The following DSCAM variants were observed in gnomAD, a reference collection of about 807,000 sequenced individuals.
The protein encoded by DSCAM is cell adhesion molecule DSCAM.
Under a neutral mutation model 217.7 loss-of-function variants are expected in DSCAM, and 47 were observed. The ratio of observed to expected loss-of-function variants is 0.22; its 90% CI spans 0.17 to 0.28. The LOEUF (loss-of-function observed/expected upper bound fraction) is 0.28, where lower values mean the gene tolerates loss of function less well. Among genes scored for constraint, DSCAM ranks in the 10% least tolerant of loss-of-function variants. DSCAM has a pLI of 1.00. For synonymous variants in DSCAM, 1,056 were observed against 1,015.3 expected, an observed-to-expected ratio of 1.04 and a Z score of -0.76; for missense variants, 2,080 against 2,618.3, an observed-to-expected ratio of 0.79 and a Z score of 4.49.
intron 3 of DSCAM, among the ~76,000 whole-genome samples, chr21:40,671,509 G>GAC (rs1568975466): frequency 3.3e-5 from 5 of 149,996 alleles, no homozygotes; most frequent in Admixed American, 2.0e-4. Flanking sequence ...CTCCCCCCCC[G>GAC]CACCGTCTCT....
intron 1 of DSCAM, among the ~76,000 whole-genome samples, chr21:40,774,883 C>T (rs1346095621): frequency 6.6e-6 from 1 of 151,836 alleles, no homozygotes; most frequent in Admixed American, 6.6e-5. Context: ...AGGTCCTTTA[C>T]TGCTATTATT....
intron 1 of DSCAM, among the ~76,000 whole-genome samples, chr21:40,791,773 T>A (rs955855699): frequency 1.3e-5 from 2 of 152,186 alleles, no homozygotes; most frequent in African/African-American, 4.8e-5. Context: ...GAGCTATAAA[T>A]CAAAGTGACT....
intron 3 of DSCAM, among the ~76,000 whole-genome samples, chr21:40,534,780 C>A (rs1490583105): frequency 2.0e-5 from 3 of 152,138 alleles, no homozygotes; most frequent in African/African-American, 7.2e-5. Flanking sequence ...CCAAAATAAT[C>A]TTCTATATTA....
At chr21:40,755,197 C>A (rs2091263548) in intron 1 of DSCAM, among the ~76,000 whole-genome samples, 1 of 152,104 alleles carries the variant, frequency 6.6e-6, no homozygotes, top group Non-Finnish European at 1.5e-5. Flanking sequence ...CCTGTAATCC[C>A]AGCACTTTGG....
chr21:40,173,246 C>T lies in DSCAM; in HGVS notation c.2947+5681G>A, dbSNP rs187394005. ...GGAGAGTGGTAAGGGAGGCAGGGGA[C>T]CCAGTGGAGTGGGCAGTGGGTTGAA... On this transcript the variant is annotated intron_variant, in intron 15 of 32. Coordinates refer to ENST00000400454, the MANE Select transcript of DSCAM (RefSeq NM_001389.5). Among the ~76,000 whole-genome samples, 211 of 152,184 alleles carry T rather than the reference C, an allele frequency of 1.4e-3. 1 individual carries two copies. The highest frequency in any genetic ancestry group is 2.0e-3 in the Non-Finnish European group (135 of 68,016).
At chr21:40,570,091 T>G (rs928474900) in intron 3 of DSCAM, among the ~76,000 whole-genome samples, 1 of 152,040 alleles carries the variant, frequency 6.6e-6, no homozygotes, top group African/African-American at 2.4e-5. Context: ...TCTCCCCAGG[T>G]ACAGAAAGTC....
At chr21:40,623,928 A>T (rs1285900384) in intron 3 of DSCAM, among the ~76,000 whole-genome samples, 1 of 152,128 alleles carries the variant, frequency 6.6e-6, no homozygotes, top group Non-Finnish European at 1.5e-5. Context: ...AGCCCAAGGG[A>T]GGGGCCCCTT....
At chr21:40,782,547 G>A (rs1368519526) in intron 1 of DSCAM, among the ~76,000 whole-genome samples, 1 of 152,088 alleles carries the variant, frequency 6.6e-6, no homozygotes, top group Non-Finnish European at 1.5e-5. Flanking sequence ...GGGCAATGCG[G>A]TGAAGTCCCA....
chr21:40,122,667 T>C (rs1348330578), intron 20 of DSCAM, among the ~76,000 whole-genome samples: 3 of 152,180 alleles, frequency 2.0e-5, no homozygotes, highest in African/African-American at 4.8e-5. Flanking sequence ...TAACAGCATA[T>C]TGAAAACCAC....
chr21:40,325,893 C>T (rs1228363685), intron 8 of DSCAM, among the ~76,000 whole-genome samples: 13 of 152,116 alleles, frequency 8.5e-5, no homozygotes, highest in African/African-American at 3.1e-4. Context: ...AACAATTCTA[C>T]TACTGGCCCT....
chr21:40,265,214 A>G (rs1350297628), intron 11 of DSCAM, among the ~76,000 whole-genome samples: 1 of 150,790 alleles, frequency 6.6e-6, no homozygotes, highest in Non-Finnish European at 1.5e-5. Context: ...AAGAAAAAAA[A>G]AAGAACTCAA....
chr21:40,142,708 A>G lies in DSCAM; in HGVS notation c.3260-4T>C, dbSNP rs756232618. The G allele has an allele frequency of 1.2e-6, 2 of 1,613,362 alleles. No homozygotes were observed. Among genetic ancestry groups the G allele is most frequent in the African/African-American group, 2.7e-5 (2 of 74,904 alleles). On this transcript the variant is annotated splice_region_variant and splice_polypyrimidine_tract_variant and intron_variant, in intron 17 of 32. Coordinates refer to ENST00000400454, the MANE Select transcript of DSCAM (RefSeq NM_001389.5). ...TTTTCGGGGGGGTAACTGGGCACTG[A>G]AATCAAATAATTAGAATCTGTAATA... is the stretch of plus-strand genomic sequence containing the variant.
At chr21:40,519,831 TCTCA>T (rs2076344130) in intron 3 of DSCAM, among the ~76,000 whole-genome samples, 2 of 146,482 alleles carry the variant, frequency 1.4e-5, no homozygotes, top group African/African-American at 5.3e-5. Context: ...TCTCTGTCTC[TCTCA>T]CTCTCTCTCT....
intron 19 of DSCAM, among the ~76,000 whole-genome samples, chr21:40,124,998 C>A (rs911292314): frequency 6.6e-6 from 1 of 152,248 alleles, no homozygotes; most frequent in Non-Finnish European, 1.5e-5. Context: ...GGGGATGAAC[C>A]TTTTGGATCC....
At chr21:40,369,313 C>A in intron 3 of DSCAM, 68 bp from the exon 4 acceptor site, 2 of 1,498,824 alleles carry the variant, frequency 1.3e-6, no homozygotes, top group Non-Finnish European at 1.8e-6. Context: ...CAGACAAAGT[C>A]CTTAAACAGT....
chr21:40,411,295 C>T (rs780760089), intron 3 of DSCAM, among the ~76,000 whole-genome samples: 2 of 150,590 alleles, frequency 1.3e-5, no homozygotes, highest in African/African-American at 4.9e-5. Context: ...CGAATGGAGA[C>T]AAAATAATGT....
intron 1 of DSCAM, among the ~76,000 whole-genome samples, chr21:40,802,264 T>C (rs1601283488): frequency 1.3e-5 from 2 of 152,234 alleles, no homozygotes; most frequent in African/African-American, 4.8e-5. Flanking sequence ...TTGGGACTAG[T>C]TAAGCCTTTC....
intron 11 of DSCAM, among the ~76,000 whole-genome samples, chr21:40,230,475 G>A (rs755741251): frequency 6.6e-6 from 1 of 152,060 alleles, no homozygotes; most frequent in Non-Finnish European, 1.5e-5. Flanking sequence ...TTTTAAAGTC[G>A]ATGGGACCAG....
At chr21:40,134,977 T>C (rs1293787626) in intron 18 of DSCAM, among the ~76,000 whole-genome samples, 1 of 152,194 alleles carries the variant, frequency 6.6e-6, no homozygotes, top group African/African-American at 2.4e-5. Flanking sequence ...TGGGATCAAC[T>C]AATAACATTC....
Sources: allele counts gnomAD v4.1 joint callset (sites outside exome capture counted in the v4.1 genomes callset), GRCh38; gene constraint gnomAD v4.1.1; transcripts MANE v1.5; gene names NCBI Gene and HGNC (gene_info 2026-07-23, HGNC 2026-07-21).